GJC1: variants seen among roughly 807,000 people sequenced by gnomAD.
The protein encoded by GJC1 is gap junction gamma-1 protein.
GJC1 carries 5 observed loss-of-function variants against 29.3 expected under a neutral mutation model. The ratio of observed to expected loss-of-function variants is 0.17; its 90% confidence interval spans 0.09 to 0.36. GJC1 has a LOEUF of 0.36. GJC1 is among the 10% of genes least tolerant of loss of function. The pLI is 1.00. For missense variants in GJC1, 310 were observed against 496.2 expected (o/e 0.62, Z 3.56); for synonymous variants, 177 against 183.3 (o/e 0.97, Z 0.28).
intron 1 of GJC1, among the ~76,000 whole-genome samples, chr17:44,814,891 G>A (rs1378612739): frequency 2.6e-5 from 4 of 151,632 alleles, no homozygotes; most frequent in Non-Finnish European, 5.9e-5. Context: ...GCAGTGAGAC[G>A]AGAAGGCACC....
chr17:44,807,177 A>T (rs1421727010), intron 2 of GJC1, among the ~76,000 whole-genome samples: 1 of 152,246 alleles, frequency 6.6e-6, no homozygotes, highest in East Asian at 1.9e-4. Context: ...AATCCATTTA[A>T]AACAGCATTT....
rs778713420 is a variant in GJC1 at position 44,827,348 on chromosome 17, C to CA, written c.-97+2713dup. 3.8e-3 allele frequency among the ~76,000 whole-genome samples: 563 copies of CA among 146,424 alleles called. 4 individuals are homozygous for CA. The highest frequency in any genetic ancestry group is 0.013 in the African/African-American group (525 of 39,986). ...AAACTCCGTCTCAAAAACAAACAAA[C>CA]AAAAAAAAAAAATTCCTGCTTTTTC... On this transcript the variant is annotated intron_variant, in intron 1 of 2. Coordinates refer to ENST00000592524, the MANE Select transcript of GJC1 (RefSeq NM_005497.4).
At chr17:44,807,963 G>A (rs1359765266) in intron 1 of GJC1, 1 of 152,148 alleles carries the variant, frequency 6.6e-6, no homozygotes, top group East Asian at 1.9e-4. Flanking sequence ...CCGTCTCCAT[G>A]GGAGGTGATT....
Position 44,799,824 on chromosome 17 carries a change from T to TG in GJC1, c.*4802dup, listed in dbSNP as rs1407702587. 2 of 152,136 alleles carry TG rather than the reference T, an allele frequency of 1.3e-5. No individual in the cohort carries two copies. Among genetic ancestry groups the TG allele is most frequent in the Non-Finnish European group, 2.9e-5 (2 of 68,064 alleles). 9.4% of individuals were successfully genotyped at this position (152,136 alleles called of 1,614,324 possible). On this transcript the variant is annotated 3_prime_UTR_variant, in exon 3 of 3. Coordinates refer to ENST00000592524, the MANE Select transcript of GJC1 (RefSeq NM_005497.4). Reference sequence around the variant, plus strand: ...AGACCAGCTACTTGGGAGGCTGAAGTGGGAGGACTGCTTGAGCCAAGGAGG... The same window carrying TG: ...AGACCAGCTACTTGGGAGGCTGAAGTGGGGAGGACTGCTTGAGCCAAGGAGG...
chr17:44,826,365 C>T (rs1034799315), intron 1 of GJC1, among the ~76,000 whole-genome samples: 1 of 151,934 alleles, frequency 6.6e-6, no homozygotes, highest in African/African-American at 2.4e-5. Context: ...ACAGTCTCTA[C>T]TAAAAATACA....
At chr17:44,827,698 C>T (rs1012862042) in intron 1 of GJC1, among the ~76,000 whole-genome samples, 9 of 151,842 alleles carry the variant, frequency 5.9e-5, no homozygotes, top group South Asian at 2.1e-4. Context: ...TCTGGGAGGC[C>T]GAGGCGGGAG....
At chr17:44,810,574 G>A (rs1049652694) in intron 1 of GJC1, among the ~76,000 whole-genome samples, 1 of 152,102 alleles carries the variant, frequency 6.6e-6, no homozygotes, top group African/African-American at 2.4e-5. Context: ...TCTTCGGAAT[G>A]AGTATCGCTA....
At chr17:44,809,662 C>T (rs898653963) in intron 1 of GJC1, among the ~76,000 whole-genome samples, 1 of 152,032 alleles carries the variant, frequency 6.6e-6, no homozygotes, top group Admixed American at 6.5e-5. Flanking sequence ...CCTCCACCTC[C>T]CAGGTTCAAG....
chr17:44,810,900 A>G (rs1282779590), intron 1 of GJC1, among the ~76,000 whole-genome samples: 1 of 152,010 alleles, frequency 6.6e-6, no homozygotes, highest in Non-Finnish European at 1.5e-5. Flanking sequence ...AGCCCCCTGC[A>G]GTAGCTGGGA....
At chr17:44,814,220 A>G (rs2050016037) in intron 1 of GJC1, among the ~76,000 whole-genome samples, 1 of 151,910 alleles carries the variant, frequency 6.6e-6, no homozygotes, top group South Asian at 2.1e-4. Flanking sequence ...GGCTCACTAC[A>G]AGCTCCACCT....
intron 1 of GJC1, among the ~76,000 whole-genome samples, chr17:44,828,225 T>C (rs1362332012): frequency 6.6e-6 from 1 of 152,206 alleles, no homozygotes; most frequent in East Asian, 1.9e-4. Flanking sequence ...ATATGTTAAT[T>C]AAGTCCTCTG....
intron 1 of GJC1, among the ~76,000 whole-genome samples, chr17:44,825,252 C>A (rs1478350417): frequency 4.1e-5 from 6 of 145,760 alleles, no homozygotes; most frequent in Non-Finnish European, 5.9e-5. Context: ...GTAATCCCAG[C>A]ACTTTGGGAG....
At chr17:44,827,570 G>A (rs1344547111) in intron 1 of GJC1, among the ~76,000 whole-genome samples, 2 of 152,078 alleles carry the variant, frequency 1.3e-5, no homozygotes, top group Non-Finnish European at 2.9e-5. Flanking sequence ...GCAGGAGGAT[G>A]GCTTGAGCCC....
intron 1 of GJC1, among the ~76,000 whole-genome samples, chr17:44,828,687 C>G (rs891847467): frequency 6.6e-6 from 1 of 152,122 alleles, no homozygotes; most frequent in Non-Finnish European, 1.5e-5. Context: ...TGATACAACT[C>G]TATGCTAAGT....
intron 2 of GJC1, among the ~76,000 whole-genome samples, chr17:44,807,087 C>T (rs1021138888): frequency 2.0e-5 from 3 of 152,150 alleles, no homozygotes; most frequent in African/African-American, 4.8e-5. Context: ...ACAAATTATA[C>T]TTCTGTACCT....
At chr17:44,797,885 G>A (rs1320968571), downstream of GJC1, 4 of 152,202 alleles carry the variant, frequency 2.6e-5, no homozygotes, top group African/African-American at 9.7e-5. Flanking sequence ...TACAATCTGT[G>A]CTGCTGAGGG....
chr17:44,817,526 G>C (rs1298122164), intron 1 of GJC1, among the ~76,000 whole-genome samples: 2 of 151,362 alleles, frequency 1.3e-5, no homozygotes, highest in African/African-American at 2.4e-5. Flanking sequence ...GCCTGACCAA[G>C]ATGGAGAAAC....
chr17:44,811,789 A>C (rs993922776), intron 1 of GJC1, among the ~76,000 whole-genome samples: 5 of 151,624 alleles, frequency 3.3e-5, no homozygotes, highest in Non-Finnish European at 7.4e-5. Flanking sequence ...GGATCACCTG[A>C]GGTCGGGAGT....
chr17:44,795,766 T>C (rs942729139), downstream of GJC1, among the ~76,000 whole-genome samples: 1 of 152,222 alleles, frequency 6.6e-6, no homozygotes, highest in East Asian at 1.9e-4. Flanking sequence ...TTAGTTTTGC[T>C]CTTTTAGTTT....
Sources: allele counts gnomAD v4.1 joint callset (sites outside exome capture counted in the v4.1 genomes callset), GRCh38; gene constraint gnomAD v4.1.1; transcripts MANE v1.5; gene names NCBI Gene and HGNC (gene_info 2026-07-23, HGNC 2026-07-21).